Variants in EGF observed in about 807,000 individuals in gnomAD.
The protein encoded by EGF is epidermal growth factor.
A neutral mutation model predicts 143.8 loss-of-function variants in EGF; 95 were observed. The observed-to-expected ratio is 0.66, with a 90% CI of 0.56 to 0.78. The LOEUF (loss-of-function observed/expected upper bound fraction) is 0.78, where lower values mean the gene tolerates loss of function less well. EGF is among the 30% of genes least tolerant of loss of function. The pLI is 0.00. For synonymous variants in EGF, 510 were observed against 510.5 expected (o/e 1.00, Z 0.01); for missense variants, 1,320 against 1,470.9 (o/e 0.90, Z 1.68).
intron 5 of EGF, among the ~76,000 whole-genome samples, chr4:109,956,198 T>C (rs891810070): frequency 6.6e-6 from 1 of 152,186 alleles, no homozygotes; most frequent in Non-Finnish European, 1.5e-5. Flanking sequence ...TTTCAACAAG[T>C]TTATTTTGTG....
chr4:109,936,733 C>G (rs757477645), intron 1 of EGF, among the ~76,000 whole-genome samples: 14 of 152,140 alleles, frequency 9.2e-5, no homozygotes, highest in Admixed American at 2.6e-4. Flanking sequence ...GATTCTGGTA[C>G]ATTGTGTCTT....
At chr4:109,914,632 C>A (rs1736286668) in intron 1 of EGF, among the ~76,000 whole-genome samples, 1 of 152,166 alleles carries the variant, frequency 6.6e-6, no homozygotes, top group East Asian at 1.9e-4. Flanking sequence ...ATGTTCCCAG[C>A]ACCTAGGACA....
At chr4:109,918,551 G>C (rs781579915) in intron 1 of EGF, among the ~76,000 whole-genome samples, 1 of 152,170 alleles carries the variant, frequency 6.6e-6, no homozygotes, top group Non-Finnish European at 1.5e-5. Flanking sequence ...GGTGGGGGCT[G>C]TGATGAGGAA....
At chr4:109,966,627 C>T (rs143935320) in intron 10 of EGF, among the ~76,000 whole-genome samples, 2 of 152,054 alleles carry the variant, frequency 1.3e-5, no homozygotes, top group Admixed American at 6.6e-5. Context: ...TACTTTTTCC[C>T]TAGAGGATTG....
chr4:109,924,779 T>C (rs559833530), intron 1 of EGF, among the ~76,000 whole-genome samples: 7 of 152,334 alleles, frequency 4.6e-5, no homozygotes, highest in Admixed American at 3.3e-4. Context: ...ATGAGCTTTT[T>C]GTTGGCTACG....
At chr4:109,953,957 C>T (rs1024599) in intron 5 of EGF, among the ~76,000 whole-genome samples, 5,735 of 152,284 alleles carry the variant, frequency 0.038, 319 homozygotes, top group East Asian at 0.18. Flanking sequence ...TTCCATCTTC[C>T]TGCTATGGGC....
chr4:109,974,700 T>C lies in EGF; in HGVS notation c.1725-3T>C. The C allele has an allele frequency of 6.2e-7, 1 of 1,607,828 alleles. No individual in the cohort carries two copies. Among genetic ancestry groups the C allele is most frequent in the Non-Finnish European group, 8.5e-7 (1 of 1,174,492 alleles). On this transcript the variant is annotated splice_polypyrimidine_tract_variant and splice_region_variant and intron_variant, in intron 11 of 23. Transcript: ENST00000265171. ...AAACTCCCTTATTTTGCACATATTT[T>C]AGGAAATCTCTGATTGGAAGGAGTG...
intron 16 of EGF, among the ~76,000 whole-genome samples, chr4:109,985,210 T>C (rs1350537104): frequency 6.6e-6 from 1 of 152,220 alleles, no homozygotes; most frequent in East Asian, 1.9e-4. Flanking sequence ...GAGCTGATTG[T>C]CCTGGTGAAA....
intron 19 of EGF, among the ~76,000 whole-genome samples, chr4:109,993,649 T>G (rs924500824): frequency 6.6e-6 from 1 of 152,154 alleles, no homozygotes; most frequent in Non-Finnish European, 1.5e-5. Flanking sequence ...TCTCACTATT[T>G]GTAATGTCAA....
chr4:109,941,330 ATT>A (rs1424614999), intron 2 of EGF, among the ~76,000 whole-genome samples, 185 bp downstream of exon 2: 1 of 152,328 alleles, frequency 6.6e-6, no homozygotes, highest in Non-Finnish European at 1.5e-5. Context: ...ACACATTGAT[ATT>A]TAGAAGCCCC....
chr4:109,980,929 A>C lies in EGF; in HGVS notation c.2325A>C (p.Ser775=), dbSNP rs1192409041. 3.7e-6 allele frequency: 6 copies of C among 1,614,042 alleles called. No homozygotes were observed. The highest frequency in any genetic ancestry group is 5.1e-6 in the Non-Finnish European group (6 of 1,180,000). The change falls in exon 15 of 24, where the codon TCA becomes TCC. Residue 775 remains serine (S), a synonymous_variant. Coordinates refer to ENST00000265171, the MANE Select transcript of EGF (RefSeq NM_001963.6). ...CSCREGFMKA[S]DGKTCLALDG... Reference sequence around the variant, plus strand: ...GTCGTGAAGGTTTTATGAAAGCCTCAGATGGGAAAACGTGTCTGGCTCTGG... The same window carrying C: ...GTCGTGAAGGTTTTATGAAAGCCTCCGATGGGAAAACGTGTCTGGCTCTGG...
intron 1 of EGF, among the ~76,000 whole-genome samples, chr4:109,925,254 A>G (rs971828166): frequency 2.6e-5 from 4 of 152,206 alleles, no homozygotes; most frequent in African/African-American, 9.6e-5. Flanking sequence ...TTTGTAAACA[A>G]ATACTGCTGA....
chr4:109,972,935 G>C (rs1747891043), intron 11 of EGF, among the ~76,000 whole-genome samples: 1 of 152,178 alleles, frequency 6.6e-6, no homozygotes, highest in Admixed American at 6.5e-5. Context: ...TGTGTTTCTA[G>C]GCAGGCTTGT....
At chr4:109,959,702 T>C (rs1745384739) in intron 6 of EGF, among the ~76,000 whole-genome samples, 1 of 152,226 alleles carries the variant, frequency 6.6e-6, no homozygotes. Context: ...TAGGGGTTGA[T>C]ATAAGGCAGG....
rs561119397 is a variant in EGF at position 109,916,531 on chromosome 4, T to C, written c.127+3069T>C. On this transcript the variant is annotated intron_variant, in intron 1 of 23. Transcript: ENST00000265171. The stretch of plus-strand genomic sequence containing the variant: ...ATTGCGTTAATGTATTCATTTTCAG[T>C]GCTGGCTGTGCATTAGAATCACTAA... 1.2e-3 allele frequency among the ~76,000 whole-genome samples: 183 copies of C among 152,282 alleles called. 1 individual carries two copies. Among genetic ancestry groups the C allele is most frequent in the Non-Finnish European group, 2.2e-3 (151 of 68,030 alleles).
intron 21 of EGF, 121 bp downstream of exon 21, chr4:109,999,967 A>G: frequency 6.9e-7 from 1 of 1,454,888 alleles, no homozygotes. Context: ...AAAACGTGAA[A>G]TAGGCTGGGT....
At chr4:109,964,293 T>C (rs1746186920) in intron 9 of EGF, 108 bp from the exon 10 acceptor site, 1 of 1,476,326 alleles carries the variant, frequency 6.8e-7, no homozygotes, top group Non-Finnish European at 9.4e-7. Context: ...AGAAAACAAG[T>C]ACTGTAGAAA....
At chr4:109,995,385 A>G (rs1317566645) in intron 20 of EGF, among the ~76,000 whole-genome samples, 1 of 152,140 alleles carries the variant, frequency 6.6e-6, no homozygotes, top group Non-Finnish European at 1.5e-5. Context: ...CTAACAGTTG[A>G]CTTTTACATT....
intron 21 of EGF, among the ~76,000 whole-genome samples, chr4:110,003,420 G>T (rs898343143): frequency 6.6e-6 from 1 of 152,050 alleles, no homozygotes; most frequent in Admixed American, 6.5e-5. Context: ...TTAGCCACTT[G>T]TTTCAATTTT....
Sources: allele counts gnomAD v4.1 joint callset (sites outside exome capture counted in the v4.1 genomes callset), GRCh38; gene constraint gnomAD v4.1.1; transcripts MANE v1.5; gene names NCBI Gene and HGNC (gene_info 2026-07-23, HGNC 2026-07-21).